P2RX5: variants seen among roughly 807,000 people sequenced by gnomAD.
P2RX5 encodes P2X purinoceptor 5.
In P2RX5, 46 loss-of-function variants were observed where a neutral mutation model predicts 54.1. The observed-to-expected ratio is 0.85, with a 90% CI of 0.67 to 1.09. The LOEUF is 1.09. P2RX5 is among the 50% of genes least tolerant of loss of function. The probability of loss-of-function intolerance (pLI) is 0.00; values close to 1 mark genes in which losing one functional copy is unlikely to be tolerated. For missense variants in P2RX5, 566 were observed against 549.8 expected (o/e 1.03, Z -0.29); for synonymous variants, 226 against 226.4 (o/e 1.00, Z 0.02).
At chr17:3,723,616 A>C in the P2RX5 span, 1 of 1,425,808 alleles carries the variant, frequency 7.0e-7, no homozygotes, top group Admixed American at 2.4e-5. Flanking sequence ...CAGGAAAAAC[A>C]GTCTCCTGGC....
chr17:3,716,546 G>A, the P2RX5 span: 1 of 646,752 alleles, frequency 1.5e-6, no homozygotes, highest in Admixed American at 2.7e-5. Context: ...TCTAAATGGG[G>A]GTGTGCAGTT....
intron 9 of P2RX5, among the ~76,000 whole-genome samples, chr17:3,684,657 A>G (rs1364931981): frequency 2.0e-5 from 3 of 152,162 alleles, no homozygotes; most frequent in Non-Finnish European, 4.4e-5. Context: ...GAAAAGTGTG[A>G]AATATGAAAT....
At chr17:3,719,976 T>A in the P2RX5 span, among the ~76,000 whole-genome samples, 2 of 152,206 alleles carry the variant, frequency 1.3e-5, no homozygotes, top group East Asian at 3.8e-4. Flanking sequence ...TCCACCTGTC[T>A]CGGCCTCCCA....
chr17:3,695,830 C>T, intron 1 of P2RX5, 39 bp downstream of exon 1: 1 of 1,523,350 alleles, frequency 6.6e-7, no homozygotes, highest in Non-Finnish European at 9.1e-7. Context: ...ACCCGCCCTG[C>T]CCCTCCCCCG....
At chr17:3,685,230 C>T (rs554123581) in intron 9 of P2RX5, among the ~76,000 whole-genome samples, 12 of 152,292 alleles carry the variant, frequency 7.9e-5, no homozygotes, top group South Asian at 6.2e-4. Context: ...ATCCCAGCCA[C>T]GCCTCGGCTG....
upstream of P2RX5, among the ~76,000 whole-genome samples, chr17:3,699,874 A>AAAGAAAGAAAGAAAGGAAGG (rs1567744280): frequency 1.7e-3 from 74 of 42,648 alleles, no homozygotes; most frequent in East Asian, 6.9e-3. Flanking sequence ...AGAAAGAAAG[A>AAAGAAAGAAAGAAAGGAAGG]AAGGAAGGAA....
At chr17:3,721,010 C>T in the P2RX5 span, among the ~76,000 whole-genome samples, 1 of 152,130 alleles carries the variant, frequency 6.6e-6, no homozygotes, top group Non-Finnish European at 1.5e-5. Context: ...GTCACTATAG[C>T]CTCAACCTTC....
chr17:3,688,613 A>G lies in P2RX5; in HGVS notation c.887+13T>C, dbSNP rs1567736014. ...CATGGTCAGGTCACAAGTGGGCACA[A>G]GGCAGCGGTTACCTGAAGTTGTACC... is the stretch of plus-strand genomic sequence containing the variant. On this transcript the variant is annotated intron_variant, in intron 8 of 11. Coordinates refer to ENST00000225328, the MANE Select transcript of P2RX5 (RefSeq NM_002561.4). The G allele has an allele frequency of 6.2e-7, 1 of 1,614,082 alleles. No homozygotes were observed. The highest frequency in any genetic ancestry group is 8.5e-7 in the Non-Finnish European group (1 of 1,179,970).
intron 10 of P2RX5, 72 bp downstream of exon 10, chr17:3,681,824 G>A: frequency 9.9e-7 from 1 of 1,010,940 alleles, no homozygotes; most frequent in Non-Finnish European, 1.6e-6. Flanking sequence ...ATCACATCAG[G>A]GCAAAGGCTC....
At chr17:3,711,418 T>TGTC in the P2RX5 span, among the ~76,000 whole-genome samples, 1 of 135,376 alleles carries the variant, frequency 7.4e-6, no homozygotes, top group Non-Finnish European at 1.5e-5. Flanking sequence ...AGTCTCGCTC[T>TGTC]GTCACCCAGG....
the P2RX5 span, chr17:3,720,405 A>T: frequency 7.4e-7 from 1 of 1,350,004 alleles, no homozygotes; most frequent in Admixed American, 1.7e-5. Context: ...TTTAGTAACT[A>T]GAAGATGGGG....
chr17:3,693,103 C>A (rs1379121152), intron 1 of P2RX5, among the ~76,000 whole-genome samples: 6 of 67,598 alleles, frequency 8.9e-5, no homozygotes, highest in Admixed American at 2.0e-4. Context: ...TAAAAATGAG[C>A]AAAGGATTTG....
At chr17:3,691,408 T>C (rs1197591919) in intron 2 of P2RX5, among the ~76,000 whole-genome samples, 1 of 152,206 alleles carries the variant, frequency 6.6e-6, no homozygotes, top group African/African-American at 2.4e-5. Flanking sequence ...TCCCATTTGT[T>C]CTCAGCAGAC....
chr17:3,690,002 G>A (rs568362729), intron 6 of P2RX5, 68 bp downstream of exon 6: 162 of 1,384,106 alleles, frequency 1.2e-4, no homozygotes, highest in Non-Finnish European at 1.5e-4. Context: ...AGAGACCCAC[G>A]GAGGGCCAGC....
At chr17:3,679,964 C>CG (rs1597698625) in intron 10 of P2RX5, among the ~76,000 whole-genome samples, 180 bp from the exon 11 acceptor site, 8 of 147,852 alleles carry the variant, frequency 5.4e-5, no homozygotes, top group Middle Eastern at 3.5e-3. Flanking sequence ...CTCCACCCTG[C>CG]TCTCTCCACC....
Position 3,682,131 on chromosome 17 carries a change from C to A in P2RX5, c.982-153G>T, listed in dbSNP as rs565478653. On this transcript the variant is annotated intron_variant, in intron 9 of 11. Transcript: ENST00000225328. The stretch of plus-strand genomic sequence containing the variant: ...GGAAACTGGGCTCAGCAAGGGGCAC[C>A]CTTGTCCGACACCACAGAGCTGGTC... 126 of 681,550 alleles carry A rather than the reference C, an allele frequency of 1.8e-4. 1 individual carries two copies. In the East Asian group the frequency reaches 3.4e-3, roughly 18 times the overall value. The allele number at this position is 681,550 out of a possible 1,614,324, so 42.2% of individuals were successfully genotyped here. A position where few individuals can be genotyped will look rare whatever the true frequency, so the allele number is the denominator to read the frequency against.
intron 1 of P2RX5, 55 bp downstream of exon 1, chr17:3,695,814 G>A: frequency 1.9e-6 from 3 of 1,593,950 alleles, no homozygotes; most frequent in South Asian, 1.1e-5. Context: ...GGACGCGGCG[G>A]CTGGCACCCG....
chr17:3,701,504 A>C, the P2RX5 span, among the ~76,000 whole-genome samples: 1 of 151,914 alleles, frequency 6.6e-6, no homozygotes, highest in Non-Finnish European at 1.5e-5. Context: ...ACCAGCCTGA[A>C]CAATATGGAG....
intron 3 of P2RX5, 65 bp downstream of exon 3, chr17:3,690,891 A>G: frequency 4.2e-6 from 6 of 1,416,814 alleles, no homozygotes; most frequent in African/African-American, 1.4e-5. Flanking sequence ...TTCAGAAGAG[A>G]GTAGACCCCA....
Sources: allele counts gnomAD v4.1 joint callset (sites outside exome capture counted in the v4.1 genomes callset), GRCh38; gene constraint gnomAD v4.1.1; transcripts MANE v1.5; gene names NCBI Gene and HGNC (gene_info 2026-07-23, HGNC 2026-07-21).